NOTCH2NLR: variants seen among roughly 807,000 people sequenced by gnomAD.
The protein encoded by NOTCH2NLR is notch 2 N-terminal like R.
Under a neutral mutation model 35.6 loss-of-function variants are expected in NOTCH2NLR, and 33 were observed. The ratio of observed to expected loss-of-function variants is 0.93; its 90% CI spans 0.70 to 1.24. The LOEUF (loss-of-function observed/expected upper bound fraction) is 1.24. Ranked by LOEUF, NOTCH2NLR falls within the 50% of genes most tolerant of loss-of-function variation. NOTCH2NLR has a pLI of 0.00. For missense variants in NOTCH2NLR, 276 were observed against 362.2 expected (o/e 0.76, Z 1.93); for synonymous variants, 103 against 141.0 (o/e 0.73, Z 1.91).
At chr1:120,783,890 G>A (rs1651393748) in intron 2 of NOTCH2NLR, among the ~76,000 whole-genome samples, 1 of 105,392 alleles carries the variant, frequency 9.5e-6, no homozygotes, top group East Asian at 2.3e-4. Flanking sequence ...CTCCCTATAG[G>A]AGAGAGAATT....
At position 120,793,505 on chromosome 1, in the gene NOTCH2NLR, C is replaced by T. The variant is rs1651518677; in HGVS notation, c.751+9C>T. ...GTGCAACTGCCTTCCAGGTAAGGAG[C>T]TCCCTAGTGTCCCAGGATTAGGGGA... On this transcript the variant is annotated intron_variant, in intron 4 of 4. Transcript: ENST00000624419. 9.1e-6 allele frequency: 11 copies of T among 1,206,414 alleles called. 1 individual carries two copies. The highest frequency in any genetic ancestry group is 4.2e-5 in the Admixed American group (2 of 47,958). The allele number at this position is 1,206,414 out of a possible 1,614,324, so 74.7% of individuals were successfully genotyped here. A position where few individuals can be genotyped will look rare whatever the true frequency, so the allele number is the denominator to read the frequency against.
In NOTCH2NLR at chr1:120,728,606, T is replaced by A. The variant is rs1187146121; in HGVS notation, c.73+4356T>A. On this transcript the variant is annotated intron_variant, in intron 1 of 4. Transcript: ENST00000624419. ...TATTACTGTATTACTAGGCCAGCAA[T>A]TTCTGTTATTTTGTCCAGAATAGCC... 7.9e-4 allele frequency among the ~76,000 whole-genome samples: 93 copies of A among 117,852 alleles called. 21 individuals are homozygous for A. The East Asian group carries it at 0.019, about 24-fold the overall frequency. The allele number at this position is 117,852 out of a possible 152,430, so 77.3% of individuals were successfully genotyped here.
chr1:120,778,601 T>A (rs1651326537), intron 2 of NOTCH2NLR, among the ~76,000 whole-genome samples: 1 of 21,234 alleles, frequency 4.7e-5, no homozygotes, highest in Non-Finnish European at 7.4e-5. Flanking sequence ...AATGGCCAAA[T>A]CCTCGTTTTA....
rs1349127023 is a variant in NOTCH2NLR, at chr1:120,737,830, C to A, written c.73+13580C>A. Among the ~76,000 whole-genome samples the A allele has an allele frequency of 6.9e-5, 8 of 115,340 alleles. 2 individuals are homozygous for A. The highest frequency in any genetic ancestry group is 1.4e-4 in the Non-Finnish European group (8 of 57,932). 75.7% of individuals were successfully genotyped at this position (115,340 alleles called of 152,430 possible). A position where few individuals can be genotyped will look rare whatever the true frequency, so the allele number is the denominator to read the frequency against. On this transcript the variant is annotated intron_variant, in intron 1 of 4. Coordinates refer to ENST00000624419, the Ensembl canonical transcript of NOTCH2NLR. ...TTTCCCTTGACAGTTTGCTTCTTCTCAAGTTTTGGCAGCCTTGAACAAGTG... is the reference window on the plus strand; with the variant it reads ...TTTCCCTTGACAGTTTGCTTCTTCTAAAGTTTTGGCAGCCTTGAACAAGTG...
chr1:120,794,242 C>T (rs1204757143), downstream of NOTCH2NLR, among the ~76,000 whole-genome samples: 3 of 113,516 alleles, frequency 2.6e-5, no homozygotes, highest in South Asian at 5.2e-4. Context: ...GGAGCAGTGT[C>T]GGGGAGCTTG....
chr1:120,747,433 A>G (rs1650989968), intron 1 of NOTCH2NLR, among the ~76,000 whole-genome samples: 1 of 28,798 alleles, frequency 3.5e-5, no homozygotes, highest in South Asian at 5.7e-4. Flanking sequence ...TTTTTCTGGC[A>G]TACTGTATAC....
chr1:120,759,225 A>G, intron 1 of NOTCH2NLR, among the ~76,000 whole-genome samples: 1 of 59,164 alleles, frequency 1.7e-5, no homozygotes, highest in African/African-American at 1.6e-4. Flanking sequence ...TTATATTGCC[A>G]AATGATGGAG....
At chr1:120,745,127 A>T (rs1650966048) in intron 1 of NOTCH2NLR, among the ~76,000 whole-genome samples, 3 of 94,018 alleles carry the variant, frequency 3.2e-5, no homozygotes, top group Non-Finnish European at 3.9e-5. Flanking sequence ...CTCCAAAAAA[A>T]AAAAAACAAA....
Position 120,793,393 on chromosome 1 carries a change from G to A in NOTCH2NLR, c.648G>A (p.Gln216=), listed in dbSNP as rs1482945541. The change falls in exon 4 of 5, where the codon CAG becomes CAA. Residue 216 remains glutamine (Q), a synonymous_variant. Coordinates refer to ENST00000624419, the Ensembl canonical transcript of NOTCH2NLR. ...AGTGCCTTCAGGGCTTCACAGGCCAGTACTGTGACAGACTGTATGTGCCCT... is the reference window on the plus strand; with the variant it reads ...AGTGCCTTCAGGGCTTCACAGGCCAATACTGTGACAGACTGTATGTGCCCT... 3.0e-5 allele frequency: 43 copies of A among 1,439,286 alleles called. 10 individuals carry two copies. The highest frequency in any genetic ancestry group is 7.8e-5 in the Admixed American group (4 of 51,206). The allele number at this position is 1,439,286 out of a possible 1,614,324, so 89.2% of individuals were successfully genotyped here.
intron 2 of NOTCH2NLR, among the ~76,000 whole-genome samples, chr1:120,781,978 C>A (rs1378605378): frequency 9.8e-6 from 1 of 102,114 alleles, no homozygotes; most frequent in East Asian, 2.3e-4. Flanking sequence ...AGCAAATATA[C>A]AATACATAGT....
rs1464463255 is a variant in NOTCH2NLR at position 120,728,493 on chromosome 1, A to G, written c.73+4243A>G. Reference sequence around the variant, plus strand: ...CTTTTTCTGATCACTTCTGCAATTTATAAATCACTTTGACTTTGGAATCTC... The same window carrying G: ...CTTTTTCTGATCACTTCTGCAATTTGTAAATCACTTTGACTTTGGAATCTC... On this transcript the variant is annotated intron_variant, in intron 1 of 4. Coordinates refer to ENST00000624419, the Ensembl canonical transcript of NOTCH2NLR. Among the ~76,000 whole-genome samples the G allele has an allele frequency of 2.6e-5, 3 of 116,108 alleles. 1 individual carries two copies. Among genetic ancestry groups the G allele is most frequent in the Non-Finnish European group, 3.3e-5 (2 of 60,950 alleles). The allele number at this position is 116,108 out of a possible 152,430, so 76.2% of individuals were successfully genotyped here.
In NOTCH2NLR at chr1:120,793,439, A is replaced by G. The variant is rs1651517350; in HGVS notation, c.694A>G (p.Asn232Asp). The change falls in exon 4 of 5, where the codon AAT (asparagine) becomes GAT (aspartate). Residue 232 changes from asparagine (N) to aspartate (D), a missense_variant. Coordinates refer to ENST00000624419, the Ensembl canonical transcript of NOTCH2NLR. ...GCCCTGTGCACACTCGCCTTGTGTC[A>G]ATGGAGGCACCTGTCGGCAGACTGG... The G allele has an allele frequency of 2.8e-6, 4 of 1,441,670 alleles. 1 individual carries two copies. Among genetic ancestry groups the G allele is most frequent in the African/African-American group, 5.3e-5 (2 of 37,898 alleles). 89.3% of individuals were successfully genotyped at this position (1,441,670 alleles called of 1,614,324 possible). A position where few individuals can be genotyped will look rare whatever the true frequency, so the allele number is the denominator to read the frequency against.
At chr1:120,758,900 A>G (rs1440868533) in intron 1 of NOTCH2NLR, among the ~76,000 whole-genome samples, 1 of 88,630 alleles carries the variant, frequency 1.1e-5, no homozygotes, top group Non-Finnish European at 2.0e-5. Context: ...CCTAGACACT[A>G]TCTGAGGTAC....
At chr1:120,733,133 G>T (rs1444203905) in intron 1 of NOTCH2NLR, among the ~76,000 whole-genome samples, 74,880 of 94,848 alleles carry the variant, frequency 0.79, 32,989 homozygotes, top group African/African-American at 0.89. Flanking sequence ...ATATATATAT[G>T]TTTAGTTTAT....
At position 120,790,077 on chromosome 1, in the gene NOTCH2NLR, G is replaced by A. The variant is rs1379643929; in HGVS notation, c.416-3084G>A. ...TGTCATCCAGGCTGGAGTGCAGGGC[G>A]CAATCTCGGTTCACTGCAAGTTCCA... On this transcript the variant is annotated intron_variant, in intron 3 of 4. Coordinates refer to ENST00000624419, the Ensembl canonical transcript of NOTCH2NLR. 2.4e-4 allele frequency among the ~76,000 whole-genome samples: 20 copies of A among 83,292 alleles called. 6 individuals are homozygous for A. The highest frequency in any genetic ancestry group is 1.2e-3 in the African/African-American group (13 of 10,748). 54.6% of individuals were successfully genotyped at this position (83,292 alleles called of 152,430 possible).
rs1195177313 is a variant in NOTCH2NLR, at chr1:120,770,319, G to A, written c.155+6610G>A. ...CAAGTAGCCGGGACTATAAGCGCCC[G>A]CCACCACGCCCGGCTAATTTTTTGT... On this transcript the variant is annotated intron_variant, in intron 2 of 4. Transcript: ENST00000624419. Among the ~76,000 whole-genome samples, 10 of 107,888 alleles carry A rather than the reference G, an allele frequency of 9.3e-5. 2 individuals carry two copies. Among genetic ancestry groups the A allele is most frequent in the Middle Eastern group, 3.9e-3 (1 of 258 alleles). 70.8% of individuals were successfully genotyped at this position (107,888 alleles called of 152,430 possible).
At chr1:120,765,732 A>G (rs1436713164) in intron 2 of NOTCH2NLR, among the ~76,000 whole-genome samples, 1 of 117,990 alleles carries the variant, frequency 8.5e-6, no homozygotes, top group Non-Finnish European at 1.7e-5. Flanking sequence ...AACCAACCCA[A>G]ATGCCCAACG....
At position 120,785,065 on chromosome 1, in the gene NOTCH2NLR, G is replaced by T. The variant is rs1557984804; in HGVS notation, c.247G>T (p.Ala83Ser). Residue 83 changes from alanine to serine, a missense_variant, in exon 3 of 5, where the codon GCC becomes TCC. Coordinates refer to ENST00000624419, the Ensembl canonical transcript of NOTCH2NLR. ...GAATGGTGGGACTTGTGTGGCCCAGGCCATGCTGGGGAAAGCCACGTGCCG... is the reference window on the plus strand; with the variant it reads ...GAATGGTGGGACTTGTGTGGCCCAGTCCATGCTGGGGAAAGCCACGTGCCG... 5 of 1,446,010 alleles carry T rather than the reference G, an allele frequency of 3.5e-6. No homozygotes were observed. In the East Asian group the frequency reaches 1.2e-4, roughly 34 times the overall value. The allele number at this position is 1,446,010 out of a possible 1,614,324, so 89.6% of individuals were successfully genotyped here.
exon 1 of NOTCH2NLR, chr1:120,724,177 G>T (rs1650787593): frequency 5.8e-6 from 8 of 1,391,266 alleles, no homozygotes; most frequent in Non-Finnish European, 7.5e-6. Context: ...CGACCGAGAA[G>T]ATGCCCGCCC....
Sources: allele counts gnomAD v4.1 joint callset (sites outside exome capture counted in the v4.1 genomes callset), GRCh38; gene constraint gnomAD v4.1.1; transcripts MANE v1.5; gene names NCBI Gene and HGNC (gene_info 2026-07-23, HGNC 2026-07-21).